Variants in FBN1 observed in about 807,000 individuals in gnomAD.
FBN1 encodes fibrillin-1.
FBN1 carries 29 observed loss-of-function variants against 365.1 expected under a neutral mutation model. The observed-to-expected ratio is 0.08, with a 90% CI of 0.06 to 0.11. The LOEUF (loss-of-function observed/expected upper bound fraction) is 0.11, where lower values mean the gene tolerates loss of function less well. Among genes scored for constraint, FBN1 ranks in the 10% least tolerant of loss-of-function variants. The pLI is 1.00. For missense variants in FBN1, 2,476 were observed against 3,703.2 expected, an observed-to-expected ratio of 0.67 and a Z score of 8.60; for synonymous variants, 1,210 against 1,270.5, an observed-to-expected ratio of 0.95 and a Z score of 1.01.
chr15:48,427,512 C>CA (rs1444209242), intron 58 of FBN1, 55 bp downstream of exon 58: 41 of 1,569,542 alleles, frequency 2.6e-5, no homozygotes, highest in Non-Finnish European at 3.2e-5. Flanking sequence ...GTGTTTCACA[C>CA]AAAAAACAAA....
At chr15:48,488,263 C>T in intron 26 of FBN1, 22 bp from the exon 27 acceptor site, 1 of 1,614,178 alleles carries the variant, frequency 6.2e-7, no homozygotes, top group Middle Eastern at 1.6e-4. Flanking sequence ...CAGCAAGTGG[C>T]AGCAAATGAG....
intron 6 of FBN1, among the ~76,000 whole-genome samples, chr15:48,574,604 G>A (rs1400369799): frequency 2.0e-5 from 3 of 150,904 alleles, no homozygotes; most frequent in Non-Finnish European, 4.4e-5. Context: ...CTTTGTACAG[G>A]CACCACGTAC....
chr15:48,460,694 G>A (rs1025668199), intron 42 of FBN1, among the ~76,000 whole-genome samples: 1 of 152,058 alleles, frequency 6.6e-6, no homozygotes, highest in African/African-American at 2.4e-5. Flanking sequence ...TGAGGAACAC[G>A]TATAAAAGCC....
intron 6 of FBN1, among the ~76,000 whole-genome samples, chr15:48,557,757 C>G (rs1287220505): frequency 6.6e-6 from 1 of 152,120 alleles, no homozygotes; most frequent in African/African-American, 2.4e-5. Context: ...GTAGGGCTCT[C>G]TGAGCATACT....
chr15:48,489,200 ATTTTTTTT>A (rs756179079), intron 25 of FBN1, among the ~76,000 whole-genome samples: 15 of 48,450 alleles, frequency 3.1e-4, no homozygotes, highest in South Asian at 2.5e-3. Flanking sequence ...ATGCCTAGAT[ATTTTTTTT>A]TTTTTTTTTT....
chr15:48,412,310 G>A (rs2141211191), intron 65 of FBN1, among the ~76,000 whole-genome samples: 1 of 152,266 alleles, frequency 6.6e-6, no homozygotes, highest in South Asian at 2.1e-4. Flanking sequence ...ACTTTGGGTG[G>A]GTATTTGACT....
At chr15:48,531,265 C>T (rs1265186696) in intron 8 of FBN1, among the ~76,000 whole-genome samples, 1 of 148,554 alleles carries the variant, frequency 6.7e-6, no homozygotes, top group African/African-American at 2.5e-5. Context: ...CGTAACATTT[C>T]TTTTTTTTTT....
intron 17 of FBN1, among the ~76,000 whole-genome samples, chr15:48,499,324 C>G (rs1401459933): frequency 2.0e-5 from 3 of 152,202 alleles, no homozygotes; most frequent in Non-Finnish European, 4.4e-5. Flanking sequence ...TTTTGTTCAC[C>G]AGGGAACACT....
intron 2 of FBN1, among the ~76,000 whole-genome samples, chr15:48,634,857 CCA>C (rs57811526): frequency 0.096 from 6,636 of 69,066 alleles, 290 homozygotes; most frequent in East Asian, 0.12. Flanking sequence ...AAAAAAAAAA[CCA>C]CACACACACA....
chr15:48,576,951 C>G (rs1254972355), intron 6 of FBN1, among the ~76,000 whole-genome samples: 1 of 152,086 alleles, frequency 6.6e-6, no homozygotes, highest in African/African-American at 2.4e-5. Context: ...GCCTCAGCAC[C>G]AAATTTTATT....
intron 13 of FBN1, among the ~76,000 whole-genome samples, chr15:48,512,871 T>A (rs2043772250): frequency 6.6e-6 from 1 of 152,238 alleles, no homozygotes; most frequent in Non-Finnish European, 1.5e-5. Flanking sequence ...GTGATCATTG[T>A]ATCTTATTTA....
At chr15:48,500,462 T>A (rs1372116930) in intron 17 of FBN1, among the ~76,000 whole-genome samples, 1 of 152,224 alleles carries the variant, frequency 6.6e-6, no homozygotes, top group East Asian at 1.9e-4. Flanking sequence ...TGTTAGTTTC[T>A]TCTCCCATAA....
chr15:48,413,292 T>G (rs944976624), intron 64 of FBN1, among the ~76,000 whole-genome samples: 1 of 151,540 alleles, frequency 6.6e-6, no homozygotes, highest in Non-Finnish European at 1.5e-5. Context: ...AAAGCTCCGG[T>G]TGATAATGAA....
At chr15:48,559,414 C>T (rs1476296297) in intron 6 of FBN1, among the ~76,000 whole-genome samples, 1 of 152,122 alleles carries the variant, frequency 6.6e-6, no homozygotes, top group African/African-American at 2.4e-5. Context: ...CAGACTGAAA[C>T]CCAAGAACTC....
intron 24 of FBN1, among the ~76,000 whole-genome samples, chr15:48,490,640 A>C (rs2043550507): frequency 6.6e-6 from 1 of 152,194 alleles, no homozygotes; most frequent in South Asian, 2.1e-4. Flanking sequence ...TCTTTCACCT[A>C]AACACGTGCT....
At chr15:48,603,803 G>A (rs1165472089) in intron 4 of FBN1, among the ~76,000 whole-genome samples, 2 of 152,188 alleles carry the variant, frequency 1.3e-5, no homozygotes, top group Admixed American at 1.3e-4. Context: ...CACAGATCCA[G>A]CCATATGCAG....
chr15:48,540,319 C>T (rs1741282348), intron 6 of FBN1, among the ~76,000 whole-genome samples: 2 of 151,946 alleles, frequency 1.3e-5, no homozygotes, highest in Non-Finnish European at 2.9e-5. Flanking sequence ...ATTATATTAT[C>T]GTACGTAAGA....
At chr15:48,414,008 T>C (rs1001470684) in intron 64 of FBN1, among the ~76,000 whole-genome samples, 2 of 152,228 alleles carry the variant, frequency 1.3e-5, no homozygotes, top group Non-Finnish European at 2.9e-5. Flanking sequence ...TGCGTATACA[T>C]TCACACAATG....
Position 48,489,929 on chromosome 15 carries a change from G to A in FBN1, c.3004C>T (p.Pro1002Ser). Residue 1002 changes from proline to serine, a missense_variant, in exon 25 of 66, where the codon CCT (proline) becomes TCT (serine). By Grantham distance (74) the Pro-to-Ser change is moderately conservative. This residue lies in a region of FBN1 where 1,780 missense variants were observed against 2,840.8 expected (regional missense o/e 0.63). Coordinates refer to ENST00000316623, the MANE Select transcript of FBN1 (RefSeq NM_000138.5). ...CTCGGACACAGCTCCTCGTACTCAG[G>A]AGTATTTCTCATGGGACACTCCTCG... is the stretch of plus-strand genomic sequence containing the variant. ...ECEECPMRNT[P>S]EYEELCPRGP... 6.2e-7 allele frequency: 1 copy of A among 1,614,134 alleles called. No homozygotes were observed. Among genetic ancestry groups the A allele is most frequent in the Non-Finnish European group, 8.5e-7 (1 of 1,180,014 alleles).
Sources: gnomAD v4.1 joint callset for allele counts (sites outside exome capture counted in the v4.1 genomes callset) on GRCh38, gnomAD v4.1.1 for gene constraint, gnomAD v4.1.1 regional missense constraint, MANE v1.5 for transcripts, NCBI Gene and HGNC (gene_info 2026-07-23, HGNC 2026-07-21) for gene names.